TTF2: variants seen among roughly 807,000 people sequenced by gnomAD.
TTF2 encodes transcription termination factor 2.
A neutral mutation model predicts 142.4 loss-of-function variants in TTF2; 108 were observed. That is an observed-to-expected ratio of 0.76 (90% CI 0.65 to 0.89). The LOEUF (loss-of-function observed/expected upper bound fraction) is 0.89. Ranked by LOEUF, TTF2 falls within the 40% of genes least tolerant of loss-of-function variation. TTF2 has a pLI of 0.00. For synonymous variants in TTF2, 483 were observed against 506.2 expected (o/e 0.95, Z 0.61); for missense variants, 1,327 against 1,379.8 (o/e 0.96, Z 0.61).
rs1570847731 is a variant in TTF2 at position 117,085,967 on chromosome 1, T to G, written c.2055-450T>G. ...CACCATTGATACAAGGTGAACAGTG[T>G]TTTGAAGTTATCTTTCTCCCCTGGG... On this transcript the variant is annotated intron_variant, in intron 11 of 22. Coordinates refer to ENST00000369466, the MANE Select transcript of TTF2 (RefSeq NM_003594.4). The surrounding 1 kb of genome is among the most constrained non-coding windows in gnomAD (Gnocchi z 4.7). Among the ~76,000 whole-genome samples, 1 of 152,178 alleles carries G rather than the reference T, an allele frequency of 6.6e-6. No individual in the cohort carries two copies. The highest frequency in any genetic ancestry group is 6.5e-5 in the Admixed American group (1 of 15,274).
intron 2 of TTF2, among the ~76,000 whole-genome samples, chr1:117,061,089 G>T (rs890103774): frequency 4.6e-5 from 7 of 152,158 alleles, no homozygotes; most frequent in African/African-American, 1.2e-4. Context: ...AGAAATTAGC[G>T]CTGGAAGAAA....
rs1195051860 is a variant in TTF2, at chr1:117,087,073, C to T, written c.2160+551C>T. 1.3e-5 allele frequency among the ~76,000 whole-genome samples: 2 copies of T among 152,110 alleles called. No homozygotes were observed. The highest frequency in any genetic ancestry group is 2.9e-5 in the Non-Finnish European group (2 of 68,028). Reference sequence around the variant, plus strand: ...GTAGAGGCTTTATCATGTAATTATACTCTGAAAATACAGTATTATCCCAAG... The same window carrying T: ...GTAGAGGCTTTATCATGTAATTATATTCTGAAAATACAGTATTATCCCAAG... On this transcript the variant is annotated intron_variant, in intron 12 of 22. Coordinates refer to ENST00000369466, the MANE Select transcript of TTF2 (RefSeq NM_003594.4). The surrounding 1 kb of genome is among the most constrained non-coding windows in gnomAD (Gnocchi z 4.8).
intron 3 of TTF2, among the ~76,000 whole-genome samples, chr1:117,072,741 T>TA (rs1451197465): frequency 6.6e-6 from 1 of 152,134 alleles, no homozygotes; most frequent in Non-Finnish European, 1.5e-5. Context: ...AACTATTTTT[T>TA]AAAAAATATT....
At chr1:117,074,771 C>A (rs1007981087) in intron 4 of TTF2, 99 bp from the exon 5 acceptor site, 24 of 1,130,032 alleles carry the variant, frequency 2.1e-5, no homozygotes, top group Admixed American at 6.0e-5. Flanking sequence ...CATATGTACC[C>A]CCTGTATATA....
At position 117,090,388 on chromosome 1, in the gene TTF2, T is replaced by C. The variant is rs563807703; in HGVS notation, c.2497-144T>C. On this transcript the variant is annotated intron_variant, in intron 14 of 22. Transcript: ENST00000369466. This position sits in a 1 kb window ranked among gnomAD's most constrained non-coding sequence, Gnocchi z 4.8. ...GTCATAGCAATCCAGTTGTACTGTA[T>C]GTTGGAGCAGTCCTGTGTCTAAGAA... 3.4e-5 allele frequency: 38 copies of C among 1,109,086 alleles called. No homozygotes were observed. The highest frequency in any genetic ancestry group is 4.1e-4 in the Middle Eastern group (2 of 4,854). The allele number at this position is 1,109,086 out of a possible 1,614,324, so 68.7% of individuals were successfully genotyped here. A position where few individuals can be genotyped will look rare whatever the true frequency, so the allele number is the denominator to read the frequency against.
At chr1:117,081,184 C>T (rs1647479228) in intron 9 of TTF2, among the ~76,000 whole-genome samples, 1 of 152,184 alleles carries the variant, frequency 6.6e-6, no homozygotes, top group Non-Finnish European at 1.5e-5. Context: ...AGTAGCAGAG[C>T]CAGAATTTAA....
At position 117,075,550 on chromosome 1, in the gene TTF2, G is replaced by A; in HGVS notation, c.966G>A (p.Val322=). The A allele has an allele frequency of 6.2e-7, 1 of 1,614,186 alleles. No individual in the cohort carries two copies. Residue 322 remains valine (V), a synonymous_variant, in exon 5 of 23, where the codon GTG becomes GTA. Transcript: ENST00000369466. The surrounding 1 kb of genome is among the most constrained non-coding windows in gnomAD (Gnocchi z 4.5). ...HFQERPETHS[V]PAPGGPAAQA... ...AAGAGCGGCCGGAGACCCACAGTGT[G>A]CCTGCTCCTGGAGGACCAGCGGCTC...
chr1:117,060,625 C>T, intron 2 of TTF2, 68 bp downstream of exon 2: 1 of 1,483,874 alleles, frequency 6.7e-7, no homozygotes, highest in East Asian at 2.3e-5. Context: ...TTCCCGCTCC[C>T]CGCTGTCGGG....
intron 3 of TTF2, among the ~76,000 whole-genome samples, chr1:117,062,740 C>A (rs527975018): frequency 6.6e-6 from 1 of 152,264 alleles, no homozygotes; most frequent in East Asian, 1.9e-4. Flanking sequence ...TGACAGCTGA[C>A]CATTGGCCAC....
Position 117,086,665 on chromosome 1 carries a change from C to T in TTF2, c.2160+143C>T, listed in dbSNP as rs775227034. ...GATCCGCATGTGGAAAGGAATTGTTCTTTCCTCTATCCCATCACCCTTATT... is the reference window on the plus strand; with the variant it reads ...GATCCGCATGTGGAAAGGAATTGTTTTTTCCTCTATCCCATCACCCTTATT... On this transcript the variant is annotated intron_variant, in intron 12 of 22. Transcript: ENST00000369466. The surrounding 1 kb of genome is among the most constrained non-coding windows in gnomAD (Gnocchi z 4.2). 14 of 636,344 alleles carry T rather than the reference C, an allele frequency of 2.2e-5. No individual in the cohort carries two copies. The highest frequency in any genetic ancestry group is 3.7e-5 in the Non-Finnish European group (13 of 352,552). The allele number at this position is 636,344 out of a possible 1,614,324, so 39.4% of individuals were successfully genotyped here.
intron 3 of TTF2, among the ~76,000 whole-genome samples, chr1:117,067,383 A>T (rs934791006): frequency 3.3e-5 from 5 of 152,072 alleles, no homozygotes; most frequent in African/African-American, 1.2e-4. Flanking sequence ...TACAAAAAAT[A>T]GCCGGGCATG....
At chr1:117,069,086 C>G (rs1656379820) in intron 3 of TTF2, among the ~76,000 whole-genome samples, 3 of 151,910 alleles carry the variant, frequency 2.0e-5, no homozygotes, top group African/African-American at 7.3e-5. Flanking sequence ...TGTTTTTTTT[C>G]CTAGAACATT....
In TTF2 at chr1:117,080,038, TCGCTCTTGTCA is replaced by T. The variant is rs1190602954; in HGVS notation, c.1783+391_1783+401del. 2.0e-5 allele frequency among the ~76,000 whole-genome samples: 3 copies of T among 151,390 alleles called. No individual in the cohort carries two copies. Among genetic ancestry groups the T allele is most frequent in the Admixed American group, 2.0e-4 (3 of 15,214 alleles). ...TTTTTTTTTTTTTTGAGATGGAGTT[TCGCTCTTGTCA>T]CCCAGGCTGGAGTGCTGTGGTGCGA... On this transcript the variant is annotated intron_variant, in intron 9 of 22. Coordinates refer to ENST00000369466, the MANE Select transcript of TTF2 (RefSeq NM_003594.4). The surrounding 1 kb of genome is among the most constrained non-coding windows in gnomAD (Gnocchi z 4.3).
chr1:117,084,252 T>G (rs1647810781), intron 11 of TTF2, 84 bp downstream of exon 11: 3 of 1,537,748 alleles, frequency 2.0e-6, no homozygotes, highest in Middle Eastern at 4.3e-4. Flanking sequence ...CCCTGAGATT[T>G]CACTTAATCA....
chr1:117,087,344 G>A lies in TTF2; in HGVS notation c.2160+822G>A, dbSNP rs1010475386. ...ATCTCACTCTGTCGCCCAGGATGGAGTGCATGGTGCGATCTTGGCTCACTG... is the reference window on the plus strand; with the variant it reads ...ATCTCACTCTGTCGCCCAGGATGGAATGCATGGTGCGATCTTGGCTCACTG... On this transcript the variant is annotated intron_variant, in intron 12 of 22. Coordinates refer to ENST00000369466, the MANE Select transcript of TTF2 (RefSeq NM_003594.4). The surrounding 1 kb of genome is among the most constrained non-coding windows in gnomAD (Gnocchi z 4.8). 1.3e-5 allele frequency among the ~76,000 whole-genome samples: 2 copies of A among 152,158 alleles called. No individual in the cohort carries two copies.
rs769544454 is a variant in TTF2, at chr1:117,075,179, G to A, written c.595G>A (p.Gly199Arg). Residue 199 changes from glycine to arginine, a missense_variant, in exon 5 of 23, where the codon GGA becomes AGA. By Grantham distance (125) the Gly-to-Arg change is moderately radical. Coordinates refer to ENST00000369466, the MANE Select transcript of TTF2 (RefSeq NM_003594.4). The surrounding 1 kb of genome is among the most constrained non-coding windows in gnomAD (Gnocchi z 4.5). Reference sequence around the variant, plus strand: ...AGTTCAAGAGAAGAAGCAAGAAGAGGGAGCAGAGATTCAGTGTGAGGCAGA... The same window carrying A: ...AGTTCAAGAGAAGAAGCAAGAAGAGAGAGCAGAGATTCAGTGTGAGGCAGA... The part of the protein sequence containing the change: ...SVVQEKKQEE[G>R]AEIQCEAETG... 1 of 1,614,114 alleles carries A rather than the reference G, an allele frequency of 6.2e-7. No individual in the cohort carries two copies. Among genetic ancestry groups the A allele is most frequent in the South Asian group, 1.1e-5 (1 of 91,072 alleles).
intron 3 of TTF2, among the ~76,000 whole-genome samples, chr1:117,064,333 T>C (rs1613044): frequency 0.98 from 148,375 of 151,814 alleles, 72,480 homozygotes; most frequent in Non-Finnish European, 0.98. Flanking sequence ...TAAAAAAAAG[T>C]GAAAAAACAA....
intron 3 of TTF2, among the ~76,000 whole-genome samples, chr1:117,068,224 C>T (rs1266872015): frequency 2.6e-5 from 4 of 152,202 alleles, no homozygotes; most frequent in Non-Finnish European, 5.9e-5. Flanking sequence ...TTTGCTTAGA[C>T]GTGGGTATAA....
At chr1:117,096,033 C>CA in intron 19 of TTF2, 116 bp from the exon 20 acceptor site, 1 of 1,157,148 alleles carries the variant, frequency 8.6e-7, no homozygotes, top group Non-Finnish European at 1.2e-6. Context: ...TAGCAGAAGG[C>CA]CTTTCCTTGT....
Sources: allele counts gnomAD v4.1 joint callset (sites outside exome capture counted in the v4.1 genomes callset), GRCh38; gene constraint gnomAD v4.1.1; non-coding constraint Gnocchi (gnomAD v3.1); transcripts MANE v1.5; gene names NCBI Gene and HGNC (gene_info 2026-07-23, HGNC 2026-07-21).